SV2C: variants seen among roughly 807,000 people sequenced by gnomAD.
The protein encoded by SV2C is solute carrier family 22 member B3.
Under a neutral mutation model 79.7 loss-of-function variants are expected in SV2C, and 49 were observed. The ratio of observed to expected loss-of-function variants is 0.61; its 90% confidence interval spans 0.49 to 0.78. The LOEUF is 0.78. Among genes scored for constraint, SV2C ranks in the 30% least tolerant of loss-of-function variants. SV2C has a pLI of 0.00. For synonymous variants in SV2C, 334 were observed against 333.2 expected (o/e 1.00, Z -0.03); for missense variants, 833 against 912.9 (o/e 0.91, Z 1.13).
the SV2C span, among the ~76,000 whole-genome samples, chr5:75,968,899 GA>G: frequency 0.022 from 3,393 of 152,212 alleles, 95 homozygotes; most frequent in East Asian, 0.07. Flanking sequence ...TGAAATGAAG[GA>G]AAAAATGTTA....
the SV2C span, among the ~76,000 whole-genome samples, chr5:75,968,158 A>G: frequency 6.6e-6 from 1 of 152,216 alleles, no homozygotes; most frequent in Non-Finnish European, 1.5e-5. Flanking sequence ...CATCCACACC[A>G]AAAACCCATC....
At position 76,353,115 on chromosome 5, in the gene SV2C, AT is replaced by A. The variant is rs66963762; in HGVS notation, c.2001-5del. The A allele has an allele frequency of 0.57, 211,009 of 368,980 alleles. 53,039 individuals are homozygous for A. The highest frequency in any genetic ancestry group is 0.82 in the African/African-American group (38,766 of 47,344). 22.9% of individuals were successfully genotyped at this position (368,980 alleles called of 1,614,324 possible). ...GCCACCATGCCCAGCTAATTTTTTA[AT>A]TTTTTTTTTGTAGACGCAGAGTCTT... On this transcript the variant is annotated splice_polypyrimidine_tract_variant and intron_variant, in intron 12 of 12. Transcript: ENST00000322285.
intron 1 of SV2C, among the ~76,000 whole-genome samples, chr5:76,124,212 A>G (rs1347427777): frequency 2.6e-5 from 4 of 151,912 alleles, no homozygotes; most frequent in South Asian, 2.1e-4. Flanking sequence ...CATCTCCATC[A>G]CTCTGTTCAT....
chr5:76,164,065 C>T (rs1251625378), intron 2 of SV2C, among the ~76,000 whole-genome samples: 1 of 152,080 alleles, frequency 6.6e-6, no homozygotes, highest in Admixed American at 6.5e-5. Context: ...AGGTATTCAC[C>T]CATCTATGCT....
chr5:75,970,863 C>A, the SV2C span, among the ~76,000 whole-genome samples: 1 of 152,020 alleles, frequency 6.6e-6, no homozygotes, highest in South Asian at 2.1e-4. Context: ...CTGGCAGAGA[C>A]ACAACCAAAA....
chr5:76,336,754 G>A (rs917762993), downstream of SV2C, among the ~76,000 whole-genome samples: 7 of 152,234 alleles, frequency 4.6e-5, no homozygotes, highest in African/African-American at 1.7e-4. Context: ...CCAGTCAGGC[G>A]TGGCACACAT....
the SV2C span, among the ~76,000 whole-genome samples, chr5:75,943,938 A>G: frequency 6.6e-6 from 1 of 152,208 alleles, no homozygotes; most frequent in Non-Finnish European, 1.5e-5. Flanking sequence ...TTTGAGCAGA[A>G]GTGTATCCAT....
At chr5:76,281,229 A>G (rs1580017176) in intron 4 of SV2C, 14 of 527,232 alleles carry the variant, frequency 2.7e-5, no homozygotes, top group Non-Finnish European at 4.6e-5. Context: ...GTGAAATTCA[A>G]CAGAAGAAAA....
At chr5:76,312,779 C>T (rs566313973) in intron 12 of SV2C, among the ~76,000 whole-genome samples, 2 of 152,200 alleles carry the variant, frequency 1.3e-5, no homozygotes, top group East Asian at 1.9e-4. Context: ...CAGTTTCAGA[C>T]ATGAGGTCAG....
At chr5:75,910,741 A>G in the SV2C span, 3 of 1,374,208 alleles carry the variant, frequency 2.2e-6, no homozygotes, top group East Asian at 2.3e-5. Context: ...ATCTGAACCA[A>G]AAACTACTAG....
At chr5:76,082,634 A>C (rs1185495499), upstream of SV2C, among the ~76,000 whole-genome samples, 4,892 of 111,074 alleles carry the variant, frequency 0.044, no homozygotes, top group Middle Eastern at 0.077. Context: ...CTCTCTCTCC[A>C]CCCCCCCCCC....
At chr5:75,941,614 T>C in the SV2C span, among the ~76,000 whole-genome samples, 1 of 152,206 alleles carries the variant, frequency 6.6e-6, no homozygotes, top group Non-Finnish European at 1.5e-5. Context: ...GATATTATGA[T>C]ACATACATTG....
chr5:75,902,222 G>A, the SV2C span, among the ~76,000 whole-genome samples: 1 of 152,152 alleles, frequency 6.6e-6, no homozygotes, highest in Admixed American at 6.5e-5. Context: ...TTCCTATTCG[G>A]CCATCTTGGC....
At chr5:76,026,556 T>C in the SV2C span, among the ~76,000 whole-genome samples, 1 of 152,036 alleles carries the variant, frequency 6.6e-6, no homozygotes, top group Non-Finnish European at 1.5e-5. Context: ...TACATAGAAA[T>C]AATTCCCACT....
chr5:75,962,390 A>G, the SV2C span, among the ~76,000 whole-genome samples: 1 of 152,142 alleles, frequency 6.6e-6, no homozygotes, highest in Non-Finnish European at 1.5e-5. Context: ...GTATTAGAAT[A>G]TTAGTACTCA....
At chr5:76,346,844 C>G (rs1749553417) in intron 12 of SV2C, among the ~76,000 whole-genome samples, 1 of 152,184 alleles carries the variant, frequency 6.6e-6, no homozygotes, top group Admixed American at 6.5e-5. Context: ...TCCCACCATG[C>G]CCAAGTGAAT....
At chr5:76,199,040 T>G (rs903748893) in intron 3 of SV2C, among the ~76,000 whole-genome samples, 1 of 152,222 alleles carries the variant, frequency 6.6e-6, no homozygotes, top group Non-Finnish European at 1.5e-5. Context: ...TAAGAAAATT[T>G]CTATTTCAAT....
At chr5:76,285,363 G>C (rs1252853922) in intron 5 of SV2C, 68 bp downstream of exon 5, 1 of 1,587,402 alleles carries the variant, frequency 6.3e-7, no homozygotes, top group Non-Finnish European at 8.6e-7. Flanking sequence ...GTTAATTCTA[G>C]GAAAGCACAT....
intron 4 of SV2C, among the ~76,000 whole-genome samples, chr5:76,211,758 T>C (rs763974411): frequency 2.3e-4 from 35 of 152,190 alleles, no homozygotes; most frequent in Non-Finnish European, 4.3e-4. Flanking sequence ...AGACATAGAC[T>C]TTAGTATTTA....
Sources: allele counts gnomAD v4.1 joint callset (sites outside exome capture counted in the v4.1 genomes callset), GRCh38; gene constraint gnomAD v4.1.1; transcripts MANE v1.5; gene names NCBI Gene and HGNC (gene_info 2026-07-23, HGNC 2026-07-21).